ZFYVE1: variants seen among roughly 807,000 people sequenced by gnomAD.
The protein encoded by ZFYVE1 is zinc finger FYVE-type containing 1, also known as zinc finger FYVE domain-containing protein 1.
In ZFYVE1, 30 loss-of-function variants were observed where a neutral mutation model predicts 74.4. That is an observed-to-expected ratio of 0.40 (90% CI 0.30 to 0.55). The LOEUF (loss-of-function observed/expected upper bound fraction) is 0.55. ZFYVE1 is among the 20% of genes least tolerant of loss of function. ZFYVE1 has a pLI of 0.42. For missense variants in ZFYVE1, 703 were observed against 1,011.6 expected (o/e 0.69, Z 4.14); for synonymous variants, 335 against 385.1 (o/e 0.87, Z 1.52).
At chr14:72,988,929 C>CTTTT (rs34464072) in intron 4 of ZFYVE1, among the ~76,000 whole-genome samples, 77 of 118,104 alleles carry the variant, frequency 6.5e-4, no homozygotes, top group African/African-American at 1.3e-3. Flanking sequence ...GCAATTTCTT[C>CTTTT]TTTTTTTTTT....
chr14:73,022,063 C>T (rs2140391489), intron 2 of ZFYVE1, among the ~76,000 whole-genome samples: 1 of 152,286 alleles, frequency 6.6e-6, no homozygotes, highest in South Asian at 2.1e-4. Flanking sequence ...GAGAACTGAG[C>T]AAAACCATCA....
At chr14:72,985,999 T>C (rs1004102283) in intron 4 of ZFYVE1, among the ~76,000 whole-genome samples, 23 of 152,168 alleles carry the variant, frequency 1.5e-4, no homozygotes. Context: ...TAAGGACAAA[T>C]GATATAAATC....
intron 2 of ZFYVE1, among the ~76,000 whole-genome samples, chr14:73,012,115 A>C (rs1233598509): frequency 6.6e-6 from 1 of 152,012 alleles, no homozygotes; most frequent in African/African-American, 2.4e-5. Flanking sequence ...TTAATTTCTT[A>C]ATTCATGAAA....
chr14:72,969,795 C>G lies in ZFYVE1; in HGVS notation c.*1087G>C. The G allele has an allele frequency of 1.4e-6, 1 of 697,246 alleles. No homozygotes were observed. Among genetic ancestry groups the G allele is most frequent in the Non-Finnish European group, 2.6e-6 (1 of 383,616 alleles). 43.2% of individuals were successfully genotyped at this position (697,246 alleles called of 1,614,324 possible). On this transcript the variant is annotated 3_prime_UTR_variant, in exon 12 of 12. Coordinates refer to ENST00000556143, the MANE Select transcript of ZFYVE1 (RefSeq NM_021260.4). ...ACAAAAGTTCCTTTGACTTCTCTTG[C>G]AAGGACCAAAGAGATAAATTTTTTC...
chr14:72,986,330 A>T (rs1220907711), intron 4 of ZFYVE1, among the ~76,000 whole-genome samples: 2 of 152,166 alleles, frequency 1.3e-5, no homozygotes, highest in Non-Finnish European at 2.9e-5. Flanking sequence ...CAGCCTTCAG[A>T]TGCTGGCCAC....
At chr14:72,989,743 A>G (rs1247552779) in intron 4 of ZFYVE1, among the ~76,000 whole-genome samples, 1 of 152,032 alleles carries the variant, frequency 6.6e-6, no homozygotes, top group South Asian at 2.1e-4. Context: ...GAGTACAGTG[A>G]GCTGTGATCA....
At chr14:73,015,538 C>G (rs1230756714) in intron 2 of ZFYVE1, among the ~76,000 whole-genome samples, 3 of 151,966 alleles carry the variant, frequency 2.0e-5, no homozygotes, top group Non-Finnish European at 2.9e-5. Flanking sequence ...ACTACAGGTG[C>G]CTGCCCAGCT....
chr14:73,005,317 A>G (rs1893956046), intron 2 of ZFYVE1, among the ~76,000 whole-genome samples: 1 of 152,138 alleles, frequency 6.6e-6, no homozygotes, highest in Non-Finnish European at 1.5e-5. Flanking sequence ...CTCCAGCTCT[A>G]CTTGTTCGGC....
At chr14:72,971,389 T>G (rs1893032345) in intron 11 of ZFYVE1, among the ~76,000 whole-genome samples, 1 of 152,012 alleles carries the variant, frequency 6.6e-6, no homozygotes, top group Admixed American at 6.6e-5. Context: ...CAGGTTGGAG[T>G]GCAGTATCAC....
At chr14:72,993,020 G>T in intron 4 of ZFYVE1, 123 bp downstream of exon 4, 1 of 958,078 alleles carries the variant, frequency 1.0e-6, no homozygotes, top group Non-Finnish European at 1.5e-6. Flanking sequence ...ATGTGCTTCC[G>T]CTTCTTATAA....
chr14:72,988,411 G>A (rs1358079520), intron 4 of ZFYVE1, among the ~76,000 whole-genome samples: 2 of 151,952 alleles, frequency 1.3e-5, no homozygotes, highest in African/African-American at 2.4e-5. Context: ...GTGACCTCAG[G>A]TGATCTGCCT....
chr14:72,994,168 C>CA (rs1211787453), intron 3 of ZFYVE1, among the ~76,000 whole-genome samples: 4 of 149,474 alleles, frequency 2.7e-5, no homozygotes, highest in African/African-American at 9.9e-5. Flanking sequence ...ACTAAAAATA[C>CA]AAAAATTAGT....
chr14:72,981,217 A>T (rs1317781285), intron 5 of ZFYVE1, among the ~76,000 whole-genome samples: 2 of 152,210 alleles, frequency 1.3e-5, no homozygotes, highest in Non-Finnish European at 2.9e-5. Flanking sequence ...CATCTTAAAC[A>T]TAGCAATGCA....
intron 2 of ZFYVE1, among the ~76,000 whole-genome samples, chr14:73,004,137 A>G (rs1314977405): frequency 6.6e-6 from 1 of 152,182 alleles, no homozygotes; most frequent in Non-Finnish European, 1.5e-5. Flanking sequence ...CGTGTCACTC[A>G]GCCAGCCTGG....
At position 73,026,995 on chromosome 14, in the gene ZFYVE1, T is replaced by A; in HGVS notation, c.-504A>T. 2.5e-6 allele frequency: 1 copy of A among 398,724 alleles called. No homozygotes were observed. Among genetic ancestry groups the A allele is most frequent in the Admixed American group, 4.4e-5 (1 of 22,728 alleles). 24.7% of individuals were successfully genotyped at this position (398,724 alleles called of 1,614,324 possible). ...GGGCGCCAGTGGGGGCAGAGGCTAT[T>A]CCTCAGGACACCGGCAGATCCATCC... On this transcript the variant is annotated 5_prime_UTR_variant, in exon 1 of 12. Coordinates refer to ENST00000556143, the MANE Select transcript of ZFYVE1 (RefSeq NM_021260.4).
At chr14:73,021,634 C>G (rs2140391200) in intron 2 of ZFYVE1, among the ~76,000 whole-genome samples, 1 of 152,266 alleles carries the variant, frequency 6.6e-6, no homozygotes, top group South Asian at 2.1e-4. Context: ...CACCTAAAAT[C>G]AATGAATTCT....
At position 72,998,308 on chromosome 14, in the gene ZFYVE1, T is replaced by C. The variant is rs1167415009; in HGVS notation, c.491A>G (p.Asn164Ser). 4.2e-6 allele frequency: 6 copies of C among 1,429,096 alleles called. No homozygotes were observed. Among genetic ancestry groups the C allele is most frequent in the East Asian group, 4.8e-5 (2 of 41,934 alleles). 88.5% of individuals were successfully genotyped at this position (1,429,096 alleles called of 1,614,324 possible). ...VDENEEIQVT[N>S]EEDFIRKLDC... is the part of the protein sequence containing the mutation. ...CAATTTTCTAATAAAGTCTTCTTCA[T>C]TTGTTACCTGCAAAAAAAAAAAAAA... The change falls in exon 3 of 12, where the codon AAT becomes AGT. Residue 164 changes from asparagine to serine, a missense_variant. By Grantham distance (46) the Asn-to-Ser change is conservative. Around this residue, in one of 2 missense-constraint regions of ZFYVE1, gnomAD observed 211 missense variants for 221.7 expected, o/e 0.95. Transcript: ENST00000556143.
Position 72,975,979 on chromosome 14 carries a change from C to T in ZFYVE1, c.1636-258G>A, listed in dbSNP as rs1893159741. 2.5e-6 allele frequency: 1 copy of T among 394,698 alleles called. No individual in the cohort carries two copies. Among genetic ancestry groups the T allele is most frequent in the African/African-American group, 2.0e-5 (1 of 49,250 alleles). The allele number at this position is 394,698 out of a possible 1,614,324, so 24.4% of individuals were successfully genotyped here. ...GGAGATGACACCTCCTCCAGGGGGC[C>T]CCGCACCGCAGGCTGAGTTAAGAAC... is the stretch of plus-strand genomic sequence containing the variant. On this transcript the variant is annotated intron_variant, in intron 8 of 11. Transcript: ENST00000556143. This position sits in a 1 kb window ranked among gnomAD's most constrained non-coding sequence, Gnocchi z 4.1.
intron 11 of ZFYVE1, among the ~76,000 whole-genome samples, chr14:72,972,709 CTT>C (rs764679644): frequency 2.2e-4 from 31 of 140,230 alleles, no homozygotes; most frequent in Admixed American, 2.1e-4. Flanking sequence ...TTTAAATCTT[CTT>C]TTTTTTTTTT....
Sources: gnomAD v4.1 joint callset for allele counts (sites outside exome capture counted in the v4.1 genomes callset) on GRCh38, gnomAD v4.1.1 for gene constraint, gnomAD v4.1.1 regional missense constraint, Gnocchi (gnomAD v3.1) non-coding constraint, MANE v1.5 for transcripts, NCBI Gene and HGNC (gene_info 2026-07-23, HGNC 2026-07-21) for gene names.